NFX1: variants seen among roughly 807,000 people sequenced by gnomAD.
NFX1 encodes the protein nuclear transcription factor, X-box binding 1, also known as transcriptional repressor NF-X1.
In NFX1, 69 loss-of-function variants were observed where a neutral mutation model predicts 137.2. The ratio of observed to expected loss-of-function variants is 0.50; its 90% CI spans 0.41 to 0.61. The LOEUF (loss-of-function observed/expected upper bound fraction) is 0.61. Ranked by LOEUF, NFX1 falls within the 20% of genes least tolerant of loss-of-function variation. The pLI, the probability that NFX1 is intolerant of heterozygous loss-of-function variation, is 0.00. For missense variants in NFX1, 1,167 were observed against 1,391.0 expected (o/e 0.84, Z 2.56); for synonymous variants, 495 against 474.1 (o/e 1.04, Z -0.57).
chr9:33,368,717 C>T (rs1015024845), intron 23 of NFX1, among the ~76,000 whole-genome samples: 7 of 152,210 alleles, frequency 4.6e-5, no homozygotes, highest in African/African-American at 1.7e-4. Flanking sequence ...CTAGCAGTAC[C>T]TCCTCTGTGA....
intron 13 of NFX1, among the ~76,000 whole-genome samples, chr9:33,343,738 C>G (rs1480783967): frequency 6.6e-6 from 1 of 152,054 alleles, no homozygotes; most frequent in East Asian, 1.9e-4. Context: ...GTTATGTGAT[C>G]TTTGAAATGT....
intron 7 of NFX1, among the ~76,000 whole-genome samples, chr9:33,317,765 C>T (rs1055653827): frequency 1.3e-5 from 2 of 151,698 alleles, no homozygotes; most frequent in Non-Finnish European, 2.9e-5. Flanking sequence ...CACCTGAGCT[C>T]AGGAGTTCAA....
intron 12 of NFX1, among the ~76,000 whole-genome samples, chr9:33,341,878 A>G (rs1048822409): frequency 1.7e-4 from 26 of 152,312 alleles, no homozygotes; most frequent in African/African-American, 4.8e-4. Context: ...GCACTTTGGG[A>G]GGCAAAGGCA....
chr9:33,309,832 A>G (rs779978109), intron 5 of NFX1, among the ~76,000 whole-genome samples: 13 of 152,290 alleles, frequency 8.5e-5, no homozygotes, highest in Non-Finnish European at 1.6e-4. Flanking sequence ...GGCACTTCCA[A>G]TATATAGCCA....
intron 14 of NFX1, among the ~76,000 whole-genome samples, chr9:33,345,401 C>T (rs534145504): frequency 5.9e-5 from 9 of 151,716 alleles, no homozygotes; most frequent in Admixed American, 2.6e-4. Context: ...CACTTGAACC[C>T]GGGAGGCAGA....
At chr9:33,318,518 C>A (rs529438655) in intron 7 of NFX1, among the ~76,000 whole-genome samples, 74 of 152,048 alleles carry the variant, frequency 4.9e-4, no homozygotes, top group Non-Finnish European at 9.1e-4. Context: ...TTAATTTCTT[C>A]CTATGGTAAA....
chr9:33,335,227 CTTTTTTT>C (rs57459026), intron 11 of NFX1, among the ~76,000 whole-genome samples: 4 of 130,516 alleles, frequency 3.1e-5, no homozygotes, highest in African/African-American at 6.4e-5. Flanking sequence ...CTTTCTTTTT[CTTTTTTT>C]TTTTTTTTTT....
chr9:33,370,132 A>G lies in NFX1; in HGVS notation c.*154A>G. The stretch of plus-strand genomic sequence containing the variant: ...CATCCAAAGCATGAGTGTGTCAGAA[A>G]TCCCTTGTCTATTCCTGTCTGTATA... On this transcript the variant is annotated 3_prime_UTR_variant, in exon 24 of 24. Transcript: ENST00000379540. 1 of 604,174 alleles carries G rather than the reference A, an allele frequency of 1.7e-6. No individual in the cohort carries two copies. Among genetic ancestry groups the G allele is most frequent in the South Asian group, 2.2e-5 (1 of 46,130 alleles). 37.4% of individuals were successfully genotyped at this position (604,174 alleles called of 1,614,324 possible).
At position 33,307,279 on chromosome 9, in the gene NFX1, C is replaced by T; in HGVS notation, c.1356C>T (p.Asp452=). 1 of 1,614,050 alleles carries T rather than the reference C, an allele frequency of 6.2e-7. No homozygotes were observed. Among genetic ancestry groups the T allele is most frequent in the African/African-American group, 1.3e-5 (1 of 75,064 alleles). Reference sequence around the variant, plus strand: ...GTAGAAAGAAACAGCCTGGCCAGGACTGCCCACATTCCTGTAACCTGTAAG... The same window carrying T: ...GTAGAAAGAAACAGCCTGGCCAGGATTGCCCACATTCCTGTAACCTGTAAG... ...EVCRKKQPGQ[D]CPHSCNLLCH... Residue 452 remains aspartate (D), a synonymous_variant, in exon 5 of 24, where the codon GAC becomes GAT. Transcript: ENST00000379540.
intron 2 of NFX1, among the ~76,000 whole-genome samples, chr9:33,300,072 T>TC (rs1821497449): frequency 7.1e-6 from 1 of 141,002 alleles, no homozygotes; most frequent in Admixed American, 7.0e-5. Flanking sequence ...AGCATTTTTT[T>TC]TTTTTTTTTT....
intron 1 of NFX1, among the ~76,000 whole-genome samples, chr9:33,292,748 A>G (rs528920471): frequency 1.3e-5 from 2 of 152,252 alleles, no homozygotes; most frequent in African/African-American, 4.8e-5. Flanking sequence ...GCATCAACTC[A>G]TTACTGCTTA....
intron 19 of NFX1, among the ~76,000 whole-genome samples, chr9:33,356,988 T>C (rs992650980): frequency 7.4e-6 from 1 of 134,688 alleles, no homozygotes; most frequent in Non-Finnish European, 1.6e-5. Flanking sequence ...TGAAATGCTG[T>C]CTCAAAAAAA....
Position 33,358,126 on chromosome 9 carries a change from C to G in NFX1, c.2873+3234C>G, listed in dbSNP as rs537506788. 2.0e-5 allele frequency among the ~76,000 whole-genome samples: 3 copies of G among 151,778 alleles called. No individual in the cohort carries two copies. In the East Asian group the frequency reaches 5.8e-4, roughly 29 times the overall value. ...AGATGGGTTTATTTTTCTTGTATTACTTGTAATTTTTTTTTTGAGACAGAG... is the reference window on the plus strand; with the variant it reads ...AGATGGGTTTATTTTTCTTGTATTAGTTGTAATTTTTTTTTTGAGACAGAG... On this transcript the variant is annotated intron_variant, in intron 19 of 23. Transcript: ENST00000379540.
chr9:33,313,257 AAGAC>A (rs969939668), intron 6 of NFX1, among the ~76,000 whole-genome samples: 4 of 152,162 alleles, frequency 2.6e-5, no homozygotes, highest in African/African-American at 9.7e-5. Context: ...ATAGGAAAGA[AAGAC>A]AGGATGGAAA....
chr9:33,302,277 A>G lies in NFX1; in HGVS notation c.1192+856A>G, dbSNP rs751738597. 1.6e-4 allele frequency among the ~76,000 whole-genome samples: 24 copies of G among 151,596 alleles called. 1 individual carries two copies. The highest frequency in any genetic ancestry group is 2.2e-4 in the Non-Finnish European group (15 of 67,940). On this transcript the variant is annotated intron_variant, in intron 3 of 23. Transcript: ENST00000379540. ...AGGAGCATCCCATTTCTACTCTTCT[A>G]GTTATTTTGAAATATATAATAAATT...
chr9:33,294,039 A>G (rs34971771), intron 1 of NFX1, among the ~76,000 whole-genome samples: 5,663 of 152,356 alleles, frequency 0.037, 159 homozygotes, highest in Middle Eastern at 0.051. Flanking sequence ...TTGATATTAC[A>G]CAATGCTACT....
At chr9:33,331,998 C>G (rs1440571752) in intron 10 of NFX1, among the ~76,000 whole-genome samples, 1 of 152,192 alleles carries the variant, frequency 6.6e-6, no homozygotes, top group African/African-American at 2.4e-5. Flanking sequence ...TTTCACTTTG[C>G]TGTAGTTTTG....
rs1823527240 is a variant in NFX1, at chr9:33,348,761, TCTG to T, written c.2424+1647_2424+1649del. The T allele has an allele frequency of 6.1e-6, 6 of 985,112 alleles. No individual in the cohort carries two copies. The South Asian group carries it at 2.3e-4, about 39-fold the overall frequency. 61.0% of individuals were successfully genotyped at this position (985,112 alleles called of 1,614,324 possible). ...TATTGTACAGTTGAGAAGATTTAAT[TCTG>T]CTACTGAGAAAGAAATACTCTACCA... On this transcript the variant is annotated intron_variant, in intron 15 of 23. Coordinates refer to ENST00000379540, the MANE Select transcript of NFX1 (RefSeq NM_002504.6).
rs1166345153 is a variant in NFX1 at position 33,366,887 on chromosome 9, T to C, written c.3185+113T>C. On this transcript the variant is annotated intron_variant, in intron 22 of 23. Coordinates refer to ENST00000379540, the MANE Select transcript of NFX1 (RefSeq NM_002504.6). ...ACTACCACTCTCCCTCTTGGAAAAGTAGAAGGAAAATCTGCTTCTCTGGCA... is the reference window on the plus strand; with the variant it reads ...ACTACCACTCTCCCTCTTGGAAAAGCAGAAGGAAAATCTGCTTCTCTGGCA... The C allele has an allele frequency of 6.0e-6, 8 of 1,328,880 alleles. No homozygotes were observed. The African/African-American group carries it at 7.4e-5, about 12-fold the overall frequency. The allele number at this position is 1,328,880 out of a possible 1,614,324, so 82.3% of individuals were successfully genotyped here.
Sources: gnomAD v4.1 joint callset for allele counts (sites outside exome capture counted in the v4.1 genomes callset) on GRCh38, gnomAD v4.1.1 for gene constraint, MANE v1.5 for transcripts, NCBI Gene and HGNC (gene_info 2026-07-23, HGNC 2026-07-21) for gene names.